The following PIK3C2A variants were observed in gnomAD, a reference collection of about 807,000 sequenced individuals.
PIK3C2A encodes phosphatidylinositol 4-phosphate 3-kinase C2 domain-containing subunit alpha.
A neutral mutation model predicts 204.5 loss-of-function variants in PIK3C2A; 97 were observed. That is an observed-to-expected ratio of 0.47 (90% confidence interval 0.40 to 0.56). The LOEUF is 0.56. Ranked by LOEUF, PIK3C2A falls within the 20% of genes least tolerant of loss-of-function variation. PIK3C2A has a pLI of 0.00. For missense variants in PIK3C2A, 1,735 were observed against 1,969.2 expected (o/e 0.88, Z 2.25); for synonymous variants, 653 against 664.4 (o/e 0.98, Z 0.26).
At position 17,147,542 on chromosome 11, in the gene PIK3C2A, G is replaced by C. The variant is rs1850280236; in HGVS notation, c.1535C>G (p.Ala512Gly). The C allele has an allele frequency of 6.2e-7, 1 of 1,606,444 alleles. No individual in the cohort carries two copies. The highest frequency in any genetic ancestry group is 1.1e-5 in the South Asian group (1 of 90,904). The change falls in exon 6 of 33, where the codon GCA becomes GGA. Residue 512 changes from alanine to glycine, a missense_variant. This residue lies in a region of PIK3C2A where 106 missense variants were observed against 108.2 expected (regional missense o/e 0.98). Transcript: ENST00000691414. The part of the protein sequence containing the change: ...EIRLQLLTFS[A>G]MCQNLARTAE... ...TGTTCGGGCCAGATTTTGACACATT[G>C]CACTGAAGGTCAAGAGTTGTAGTCT...
intron 1 of PIK3C2A, among the ~76,000 whole-genome samples, chr11:17,187,791 A>T (rs1332361023): frequency 6.6e-6 from 1 of 151,938 alleles, no homozygotes; most frequent in Non-Finnish European, 1.5e-5. Flanking sequence ...CAGAAGATAT[A>T]TACTCGCTCA....
intron 21 of PIK3C2A, among the ~76,000 whole-genome samples, chr11:17,111,275 T>C (rs931753970): frequency 6.6e-6 from 1 of 152,220 alleles, no homozygotes; most frequent in African/African-American, 2.4e-5. Context: ...ACATTTTGAC[T>C]GTATCAATGC....
At chr11:17,105,849 C>A (rs1848794212) in intron 22 of PIK3C2A, among the ~76,000 whole-genome samples, 1 of 152,184 alleles carries the variant, frequency 6.6e-6, no homozygotes, top group South Asian at 2.1e-4. Flanking sequence ...TGACTCACGC[C>A]TGCAGTCCTA....
At chr11:17,123,245 GTTTT>G (rs562808948) in intron 13 of PIK3C2A, among the ~76,000 whole-genome samples, 68 of 151,894 alleles carry the variant, frequency 4.5e-4, no homozygotes, top group Non-Finnish European at 9.1e-4. Flanking sequence ...AACAAAACAC[GTTTT>G]TTTGTTTTGT....
chr11:17,193,030 G>A (rs1851994952), intron 1 of PIK3C2A, among the ~76,000 whole-genome samples: 1 of 152,056 alleles, frequency 6.6e-6, no homozygotes, highest in Non-Finnish European at 1.5e-5. Context: ...CATAACTGTA[G>A]GAATGGGCTC....
chr11:17,114,168 C>CT lies in PIK3C2A; in HGVS notation c.3321+192dup, dbSNP rs760990389. ...GCCCAAGGCAGTAAATAATTTTATA[C>CT]TTTTTTTTTCCCAGGAATGGTGGTT... is the stretch of plus-strand genomic sequence containing the variant. On this transcript the variant is annotated intron_variant, in intron 20 of 32. Transcript: ENST00000691414. 3.7e-3 allele frequency among the ~76,000 whole-genome samples: 562 copies of CT among 151,138 alleles called. 3 individuals carry two copies. The highest frequency in any genetic ancestry group is 7.2e-3 in the African/African-American group (298 of 41,258).
chr11:17,207,485 C>G (rs184866172), intron 1 of PIK3C2A, among the ~76,000 whole-genome samples: 2 of 152,202 alleles, frequency 1.3e-5, no homozygotes, highest in Admixed American at 1.3e-4. Flanking sequence ...GGCTCCAGCC[C>G]GGTCCCGCGG....
In PIK3C2A at chr11:17,205,189, G is replaced by A. The variant is rs537857744; in HGVS notation, c.-66+2659C>T. 8.6e-4 allele frequency among the ~76,000 whole-genome samples: 127 copies of A among 148,020 alleles called. 1 individual carries two copies. Among genetic ancestry groups the A allele is most frequent in the African/African-American group, 3.0e-3 (122 of 40,016 alleles). On this transcript the variant is annotated intron_variant, in intron 1 of 32. Transcript: ENST00000691414. ...GAGACTGTCTCAAAAAAGAAAAAAA[G>A]AGCCGGGCAGGGTAGCTCAAGCCTG...
Position 17,145,954 on chromosome 11 carries a change from C to T in PIK3C2A, c.1561-12G>A, listed in dbSNP as rs771271345. The T allele has an allele frequency of 1.3e-6, 2 of 1,597,406 alleles. No individual in the cohort carries two copies. The highest frequency in any genetic ancestry group is 8.6e-7 in the Non-Finnish European group (1 of 1,166,806). On this transcript the variant is annotated splice_polypyrimidine_tract_variant and intron_variant, in intron 6 of 32. Coordinates refer to ENST00000691414, the MANE Select transcript of PIK3C2A (RefSeq NM_002645.4). ...TCATCATCTTCTGCCTAAACAAACA[C>T]ATATACACAAAAAAATCACATCCAC...
intron 27 of PIK3C2A, among the ~76,000 whole-genome samples, chr11:17,094,901 A>G (rs1439226093): frequency 6.6e-6 from 1 of 152,200 alleles, no homozygotes; most frequent in Non-Finnish European, 1.5e-5. Flanking sequence ...TTTATAACAC[A>G]TCTAACTACA....
intron 1 of PIK3C2A, chr11:17,193,621 G>A (rs1249688046): frequency 3.1e-6 from 1 of 319,958 alleles, no homozygotes; most frequent in Non-Finnish European, 6.1e-6. Flanking sequence ...GCCAAGGCGG[G>A]TGGATCACGA....
At chr11:17,158,089 C>T (rs60304850) in intron 2 of PIK3C2A, among the ~76,000 whole-genome samples, 248 of 152,258 alleles carry the variant, frequency 1.6e-3, no homozygotes, top group African/African-American at 5.4e-3. Context: ...GTGGCTCATG[C>T]CTGTAATCCC....
At chr11:17,138,332 T>C in intron 8 of PIK3C2A, 1 of 478,364 alleles carries the variant, frequency 2.1e-6, no homozygotes, top group Non-Finnish European at 3.9e-6. Flanking sequence ...TTCCTTTTTT[T>C]TTTTTTTTTA....
intron 6 of PIK3C2A, among the ~76,000 whole-genome samples, chr11:17,146,524 C>T (rs1850249348): frequency 1.3e-5 from 2 of 151,666 alleles, no homozygotes; most frequent in South Asian, 2.1e-4. Context: ...ACCAGCCTGG[C>T]CAACACACCA....
At chr11:17,183,657 G>A (rs1342716210) in intron 1 of PIK3C2A, among the ~76,000 whole-genome samples, 1 of 151,822 alleles carries the variant, frequency 6.6e-6, no homozygotes, top group Non-Finnish European at 1.5e-5. Flanking sequence ...CTCCAGCCTG[G>A]GCAACAGAAA....
intron 16 of PIK3C2A, 82 bp from the exon 17 acceptor site, chr11:17,119,395 TG>T: frequency 1.3e-6 from 1 of 787,416 alleles, no homozygotes; most frequent in South Asian, 1.5e-5. Flanking sequence ...AATCTCAATC[TG>T]GTCCTGACAA....
chr11:17,148,913 T>C (rs1483450329), intron 4 of PIK3C2A, 126 bp from the exon 5 acceptor site: 3 of 629,072 alleles, frequency 4.8e-6, no homozygotes, highest in Non-Finnish European at 7.2e-6. Context: ...AGGCCACATA[T>C]ATAATTTTAA....
intron 19 of PIK3C2A, among the ~76,000 whole-genome samples, chr11:17,115,206 C>T (rs1849139925): frequency 6.6e-6 from 1 of 151,582 alleles, no homozygotes; most frequent in Non-Finnish European, 1.5e-5. Flanking sequence ...TTACATTGTC[C>T]AATTTCAAAA....
At chr11:17,165,322 G>A (rs1239626740) in intron 2 of PIK3C2A, among the ~76,000 whole-genome samples, 1 of 152,094 alleles carries the variant, frequency 6.6e-6, no homozygotes, top group Non-Finnish European at 1.5e-5. Flanking sequence ...ACTGTCCTTT[G>A]ACACCCCTTC....
Sources: allele counts gnomAD v4.1 joint callset (sites outside exome capture counted in the v4.1 genomes callset), GRCh38; gene constraint gnomAD v4.1.1; regional missense constraint gnomAD v4.1.1; transcripts MANE v1.5; gene names NCBI Gene and HGNC (gene_info 2026-07-23, HGNC 2026-07-21).